NF2: variants seen among roughly 807,000 people sequenced by gnomAD.
NF2 encodes the protein merlin.
Under a neutral mutation model 83.7 loss-of-function variants are expected in NF2, and 8 were observed. The ratio of observed to expected loss-of-function variants is 0.10; its 90% CI spans 0.06 to 0.17. NF2 has a LOEUF of 0.17. Ranked by LOEUF, NF2 falls within the 10% of genes least tolerant of loss-of-function variation. The pLI is 1.00. For missense variants in NF2, 533 were observed against 744.4 expected, an observed-to-expected ratio of 0.72 and a Z score of 3.31; for synonymous variants, 266 against 269.6, an observed-to-expected ratio of 0.99 and a Z score of 0.13.
intron 4 of NF2, among the ~76,000 whole-genome samples, chr22:29,646,489 T>C (rs913318161): frequency 4.6e-5 from 7 of 152,190 alleles, no homozygotes; most frequent in African/African-American, 1.7e-4. Flanking sequence ...TTCCTTCCAT[T>C]ATATTCAGCT....
At chr22:29,685,409 G>C (rs2067246414) in intron 15 of NF2, among the ~76,000 whole-genome samples, 1 of 151,382 alleles carries the variant, frequency 6.6e-6, no homozygotes, top group South Asian at 2.1e-4. Context: ...TGCCTGGCCT[G>C]TTTTGTTTTT....
intron 15 of NF2, among the ~76,000 whole-genome samples, chr22:29,685,768 G>C (rs1226867418): frequency 6.6e-6 from 1 of 152,134 alleles, no homozygotes; most frequent in African/African-American, 2.4e-5. Flanking sequence ...CTCAGAGTCT[G>C]CTGTGTGGTT....
intron 8 of NF2, among the ~76,000 whole-genome samples, chr22:29,663,158 T>G (rs1482676229): frequency 2.0e-5 from 3 of 152,200 alleles, no homozygotes; most frequent in Non-Finnish European, 4.4e-5. Context: ...GTACTTAAAT[T>G]GAAAGTTCCA....
intron 4 of NF2, among the ~76,000 whole-genome samples, chr22:29,644,621 C>T (rs2065928243): frequency 6.6e-6 from 1 of 152,196 alleles, no homozygotes; most frequent in Non-Finnish European, 1.5e-5. Flanking sequence ...TGCACTCCAG[C>T]CTGGGCACCA....
rs1228149681 is a variant in NF2, at chr22:29,614,073, C to T, written c.114+9961C>T. ...CACCCGGCCGGAATAGTCCTTTCAA[C>T]AAATGGAGCTGAGACAACTGGATAG... On this transcript the variant is annotated intron_variant, in intron 1 of 15. Coordinates refer to ENST00000338641, the MANE Select transcript of NF2 (RefSeq NM_000268.4). Among the ~76,000 whole-genome samples the T allele has an allele frequency of 2.0e-5, 3 of 150,620 alleles. No homozygotes were observed. The South Asian group carries it at 6.4e-4, about 32-fold the overall frequency.
At chr22:29,612,594 C>T (rs1381784037) in intron 1 of NF2, among the ~76,000 whole-genome samples, 2 of 151,900 alleles carry the variant, frequency 1.3e-5, no homozygotes, top group African/African-American at 4.8e-5. Flanking sequence ...ATGTTGGCCC[C>T]TCAAAGTGCT....
chr22:29,642,030 A>C (rs959455013), intron 3 of NF2, among the ~76,000 whole-genome samples, 172 bp from the exon 4 acceptor site: 1 of 151,938 alleles, frequency 6.6e-6, no homozygotes, highest in African/African-American at 2.4e-5. Context: ...CTGTGACTGA[A>C]CTCTCCACCT....
chr22:29,685,855 C>A (rs2067256839), intron 15 of NF2, among the ~76,000 whole-genome samples: 1 of 152,178 alleles, frequency 6.6e-6, no homozygotes, highest in Non-Finnish European at 1.5e-5. Context: ...GGGGTTACCG[C>A]ATTCCCTGAG....
At chr22:29,670,341 T>G (rs2066746384) in intron 10 of NF2, among the ~76,000 whole-genome samples, 1 of 152,128 alleles carries the variant, frequency 6.6e-6, no homozygotes, top group Non-Finnish European at 1.5e-5. Flanking sequence ...AGTTTCTTTT[T>G]TTTTAAAAGA....
At chr22:29,681,348 C>G in intron 14 of NF2, 91 bp from the exon 15 acceptor site, 2 of 1,523,934 alleles carry the variant, frequency 1.3e-6, no homozygotes, top group South Asian at 1.1e-5. Flanking sequence ...AACCCTAGAT[C>G]GCACACCAAG....
At chr22:29,605,966 TC>T (rs1421131010) in intron 1 of NF2, among the ~76,000 whole-genome samples, 1 of 152,146 alleles carries the variant, frequency 6.6e-6, no homozygotes, top group African/African-American at 2.4e-5. Flanking sequence ...TCTTTTTTTT[TC>T]TTTTGAGACG....
At chr22:29,622,104 C>G (rs1018127356) in intron 1 of NF2, among the ~76,000 whole-genome samples, 1 of 152,168 alleles carries the variant, frequency 6.6e-6, no homozygotes, top group Non-Finnish European at 1.5e-5. Flanking sequence ...ATTTGGTAAA[C>G]AGGAAAAAGA....
intron 4 of NF2, among the ~76,000 whole-genome samples, chr22:29,650,857 CCT>C (rs2066129359): frequency 6.6e-6 from 1 of 152,198 alleles, no homozygotes. Flanking sequence ...TCCGCCTCGG[CCT>C]CTCAAAGTGC....
intron 15 of NF2, chr22:29,682,879 C>T (rs1328732891): frequency 2.1e-6 from 2 of 959,272 alleles, no homozygotes; most frequent in South Asian, 2.7e-5. Flanking sequence ...GCTGGAGAGA[C>T]CCCGTTCCAA....
At chr22:29,609,433 C>G (rs1180866226) in intron 1 of NF2, 2 of 429,906 alleles carry the variant, frequency 4.7e-6, no homozygotes, top group Non-Finnish European at 9.0e-6. Context: ...GAGTGAAGAC[C>G]CTAGATCTGT....
chr22:29,626,153 CTT>C (rs34704204), intron 1 of NF2, among the ~76,000 whole-genome samples: 21 of 128,182 alleles, frequency 1.6e-4, no homozygotes, highest in African/African-American at 1.7e-4. Context: ...CATCTGCAGA[CTT>C]TTTTTTTTTT....
intron 15 of NF2, among the ~76,000 whole-genome samples, chr22:29,686,406 G>A (rs2067272168): frequency 6.6e-6 from 1 of 152,248 alleles, no homozygotes; most frequent in Admixed American, 6.5e-5. Flanking sequence ...TTGGGAGGCC[G>A]AGGCAGGTGA....
chr22:29,644,459 T>G (rs2065920731), intron 4 of NF2, among the ~76,000 whole-genome samples: 1 of 147,358 alleles, frequency 6.8e-6, no homozygotes, highest in African/African-American at 2.6e-5. Context: ...GCAGAGGGGC[T>G]CCTCACATCC....
chr22:29,611,495 C>G (rs982695849), intron 1 of NF2, among the ~76,000 whole-genome samples: 11 of 152,112 alleles, frequency 7.2e-5, no homozygotes, highest in African/African-American at 1.2e-4. Context: ...CTACTGCACA[C>G]AATAGGCTGG....
Sources: gnomAD v4.1 joint callset for allele counts (sites outside exome capture counted in the v4.1 genomes callset) on GRCh38, gnomAD v4.1.1 for gene constraint, MANE v1.5 for transcripts, NCBI Gene and HGNC (gene_info 2026-07-23, HGNC 2026-07-21) for gene names.